Variants in SCAMP4 observed in about 807,000 individuals in gnomAD.
The protein encoded by SCAMP4 is secretory carrier-associated membrane protein 4.
Under a neutral mutation model 32.1 loss-of-function variants are expected in SCAMP4, and 19 were observed. That is an observed-to-expected ratio of 0.59 (90% CI 0.41 to 0.87). The LOEUF (loss-of-function observed/expected upper bound fraction) is 0.87, where lower values mean the gene tolerates loss of function less well. Ranked by LOEUF, SCAMP4 falls within the 40% of genes least tolerant of loss-of-function variation. The pLI is 0.00. For synonymous variants in SCAMP4, 152 were observed against 132.7 expected (o/e 1.15, Z -1.00); for missense variants, 302 against 309.0 (o/e 0.98, Z 0.17).
intron 2 of SCAMP4, among the ~76,000 whole-genome samples, chr19:1,917,458 T>TC (rs1272935032): frequency 2.0e-5 from 3 of 151,992 alleles, no homozygotes; most frequent in African/African-American, 7.3e-5. Context: ...GGCCCCTTTC[T>TC]CCCCCTTCAC....
chr19:1,922,884 T>C (rs2013963570), intron 5 of SCAMP4, 186 bp from the exon 6 acceptor site: 11 of 1,333,310 alleles, frequency 8.3e-6, no homozygotes, highest in Non-Finnish European at 1.1e-5. Flanking sequence ...AAGGTCGTAT[T>C]CACGCGTTGA....
chr19:1,916,526 A>G (rs1276515857), intron 2 of SCAMP4, among the ~76,000 whole-genome samples: 3 of 152,116 alleles, frequency 2.0e-5, no homozygotes, highest in African/African-American at 7.2e-5. Context: ...TGGTGTGATC[A>G]TAGCTCACTG....
intron 2 of SCAMP4, 26 bp downstream of exon 2, chr19:1,915,052 C>T: frequency 6.2e-7 from 1 of 1,613,686 alleles, no homozygotes; most frequent in Non-Finnish European, 8.5e-7. Flanking sequence ...CTGGGAGCCT[C>T]CAGCAGCGTG....
At chr19:1,912,006 G>A in intron 1 of SCAMP4, 1 of 1,416,488 alleles carries the variant, frequency 7.1e-7, no homozygotes, top group Non-Finnish European at 9.2e-7. Context: ...GGCCTCCCGG[G>A]ACGGACTCCC....
At chr19:1,912,545 C>T in intron 1 of SCAMP4, 1 of 1,501,002 alleles carries the variant, frequency 6.7e-7, no homozygotes, top group Admixed American at 2.1e-5. Context: ...CCACGTCCTT[C>T]CACGAGGACA....
chr19:1,921,143 C>T, intron 5 of SCAMP4: 1 of 985,426 alleles, frequency 1.0e-6, no homozygotes, highest in Non-Finnish European at 1.2e-6. Flanking sequence ...GCTCAGTGCG[C>T]TGCTGTGGGG....
chr19:1,915,378 AAG>A, intron 2 of SCAMP4: 1 of 377,244 alleles, frequency 2.7e-6, no homozygotes, highest in South Asian at 2.7e-5. Flanking sequence ...AGTGGGGCGT[AAG>A]CCCCTGAGGA....
chr19:1,919,984 A>G (rs1166754975), intron 5 of SCAMP4: 2 of 222,888 alleles, frequency 9.0e-6, no homozygotes, highest in Non-Finnish European at 1.5e-5. Context: ...AAATTTTTGT[A>G]TTTTTAGTAA....
In SCAMP4 at chr19:1,908,467, CAG is replaced by C. The variant is rs2013258388; in HGVS notation, c.-42+3032_-42+3033del. ...ACAGCTGCGCGGCTGCGAAATGATCCAGAGACACATCCCTGTCTGCGGGAGGA... is the reference window on the plus strand; with the variant it reads ...ACAGCTGCGCGGCTGCGAAATGATCCAGACACATCCCTGTCTGCGGGAGGA... On this transcript the variant is annotated intron_variant, in intron 1 of 6. Coordinates refer to ENST00000316097, the MANE Select transcript of SCAMP4 (RefSeq NM_079834.4). The surrounding 1 kb of genome is among the most constrained non-coding windows in gnomAD (Gnocchi z 4.2). The C allele has an allele frequency of 2.1e-6, 1 of 470,724 alleles. No individual in the cohort carries two copies. Among genetic ancestry groups the C allele is most frequent in the African/African-American group, 2.0e-5 (1 of 50,032 alleles). 29.2% of individuals were successfully genotyped at this position (470,724 alleles called of 1,614,324 possible).
intron 6 of SCAMP4, 60 bp from the exon 7 acceptor site, chr19:1,924,048 C>A (rs565598324): frequency 1.4e-6 from 2 of 1,481,010 alleles, no homozygotes; most frequent in African/African-American, 1.4e-5. Context: ...GCGTGAGTCC[C>A]CGTGCCCGGC....
At chr19:1,912,679 TG>T in intron 1 of SCAMP4, 3 of 1,446,900 alleles carry the variant, frequency 2.1e-6, no homozygotes, top group Admixed American at 2.9e-5. Context: ...TTGCGGGCCG[TG>T]GGGGCCGTGG....
chr19:1,907,543 T>G lies in SCAMP4; in HGVS notation c.-42+2104T>G, dbSNP rs575608978. On this transcript the variant is annotated intron_variant, in intron 1 of 6. Coordinates refer to ENST00000316097, the MANE Select transcript of SCAMP4 (RefSeq NM_079834.4). ...AGGGCAGGTTGGGGACTGGGTGTGT[T>G]TTCTGGGTGGACATACCCAGGTCCC... Among the ~76,000 whole-genome samples, 304 of 152,194 alleles carry G rather than the reference T, an allele frequency of 2.0e-3. 1 individual carries two copies. Among genetic ancestry groups the G allele is most frequent in the Non-Finnish European group, 3.1e-3 (211 of 67,998 alleles).
intron 1 of SCAMP4, chr19:1,913,079 CCT>C (rs1568766754): frequency 6.2e-7 from 1 of 1,601,522 alleles, no homozygotes; most frequent in South Asian, 1.1e-5. Context: ...CACGGCCCGA[CCT>C]CAACCACCGC....
chr19:1,920,870 C>A (rs2013896862), intron 5 of SCAMP4: 3 of 985,484 alleles, frequency 3.0e-6, no homozygotes, highest in Non-Finnish European at 3.6e-6. Context: ...CCACATGTGA[C>A]CCTCAGAGAC....
intron 1 of SCAMP4, among the ~76,000 whole-genome samples, chr19:1,913,962 G>C (rs935133036): frequency 6.6e-6 from 1 of 152,126 alleles, no homozygotes; most frequent in Non-Finnish European, 1.5e-5. Flanking sequence ...GCAGTGGACA[G>C]AACACCACTG....
intron 5 of SCAMP4, 127 bp downstream of exon 5, chr19:1,919,117 G>C: frequency 6.7e-7 from 1 of 1,498,140 alleles, no homozygotes; most frequent in East Asian, 2.5e-5. Context: ...CCTAGGGAGG[G>C]GTCTGAGCTC....
At chr19:1,915,104 T>C in intron 2 of SCAMP4, 78 bp downstream of exon 2, 2 of 1,574,100 alleles carry the variant, frequency 1.3e-6, no homozygotes, top group Non-Finnish European at 1.7e-6. Flanking sequence ...GAGCCCTCGG[T>C]CCTGGCCGTT....
chr19:1,917,981 C>T, intron 3 of SCAMP4, 146 bp from the exon 4 acceptor site: 3 of 1,342,520 alleles, frequency 2.2e-6, no homozygotes, highest in Non-Finnish European at 3.1e-6. Flanking sequence ...TGTCCAGGCC[C>T]CAGTGTCTTG....
chr19:1,920,986 G>T, intron 5 of SCAMP4: 1 of 985,430 alleles, frequency 1.0e-6, no homozygotes, highest in Non-Finnish European at 1.2e-6. Flanking sequence ...TGAGCATGCG[G>T]TCCCTGCCCG....
Sources: allele counts gnomAD v4.1 joint callset (sites outside exome capture counted in the v4.1 genomes callset), GRCh38; gene constraint gnomAD v4.1.1; non-coding constraint Gnocchi (gnomAD v3.1); transcripts MANE v1.5; gene names NCBI Gene and HGNC (gene_info 2026-07-23, HGNC 2026-07-21).